ABCA4: variants seen among roughly 807,000 people sequenced by gnomAD.
ABCA4 encodes retinal-specific phospholipid-transporting ATPase ABCA4.
Under a neutral mutation model 263.7 loss-of-function variants are expected in ABCA4, and 196 were observed. The observed-to-expected ratio is 0.74, with a 90% confidence interval of 0.66 to 0.84. The LOEUF is 0.84. Among genes scored for constraint, ABCA4 ranks in the 40% least tolerant of loss-of-function variants. ABCA4 has a pLI of 0.00. For missense variants in ABCA4, 2,792 were observed against 2,855.1 expected (o/e 0.98, Z 0.50); for synonymous variants, 1,133 against 1,094.2 (o/e 1.04, Z -0.70).
At position 93,993,327 on chromosome 1, in the gene ABCA4, G is replaced by A. The variant is rs75999881; in HGVS notation, c.6817-85C>T. 7,342 of 1,584,442 alleles carry A rather than the reference G, an allele frequency of 4.6e-3. 303 individuals are homozygous for A. The African/African-American group carries it at 0.086, about 18-fold the overall frequency. On this transcript the variant is annotated intron_variant, in intron 49 of 49. Coordinates refer to ENST00000370225, the MANE Select transcript of ABCA4 (RefSeq NM_000350.3). ...TTTAGATTTCAAAAGCTAAACAGTT[G>A]TCAATCAATTTCTGAAGGGCACTCA... is the stretch of plus-strand genomic sequence containing the variant.
intron 31 of ABCA4, 72 bp from the exon 32 acceptor site, chr1:94,023,490 AT>A: frequency 7.6e-7 from 1 of 1,319,322 alleles, no homozygotes; most frequent in Non-Finnish European, 1.1e-6. Context: ...TTTCCCAAAC[AT>A]TCATTTTGAA....
chr1:94,037,396 TG>T, intron 24 of ABCA4, 46 bp from the exon 25 acceptor site: 1 of 1,575,590 alleles, frequency 6.3e-7, no homozygotes. Context: ...TTCCAGAAAC[TG>T]GAAGACTGTG....
chr1:94,092,699 TA>T (rs4147882), intron 6 of ABCA4, among the ~76,000 whole-genome samples: 24,299 of 152,122 alleles, frequency 0.16, 2,223 homozygotes, highest in Middle Eastern at 0.27. Flanking sequence ...CAACAGAAAC[TA>T]GGTCTTTTTC....
chr1:94,002,805 C>A (rs74102062), intron 44 of ABCA4, among the ~76,000 whole-genome samples: 19,382 of 152,094 alleles, frequency 0.13, 2,059 homozygotes, highest in African/African-American at 0.29. Flanking sequence ...CCCTGCGTTA[C>A]TTTTCCCTGA....
At chr1:94,077,334 T>C (rs1320077560) in intron 11 of ABCA4, among the ~76,000 whole-genome samples, 1 of 152,082 alleles carries the variant, frequency 6.6e-6, no homozygotes, top group African/African-American at 2.4e-5. Flanking sequence ...GGCAGGAGTG[T>C]CCAGCAAGCA....
chr1:94,105,762 T>C (rs1396899293), intron 4 of ABCA4, among the ~76,000 whole-genome samples: 4 of 152,100 alleles, frequency 2.6e-5, no homozygotes, highest in Non-Finnish European at 5.9e-5. Context: ...GGGGGCTCCA[T>C]GCCTGGTCTT....
rs762247562 is a variant in ABCA4, at chr1:94,055,265, G to A, written c.2433C>T (p.Arg811=). The A allele has an allele frequency of 3.7e-6, 6 of 1,614,106 alleles. No individual in the cohort carries two copies. The highest frequency in any genetic ancestry group is 1.7e-4 in the Middle Eastern group (1 of 6,060). Residue 811 remains arginine, a synonymous_variant, in exon 16 of 50, where the codon CGC becomes CGT. Transcript: ENST00000370225. ...GCAGCCCCAGGCCTTGCTCTTCAAA[G>A]CGAACCAGGTACTCAGTGCCAAATC... ...AFGFGTEYLV[R]FEEQGLGLQW...
chr1:94,037,653 G>A (rs1422437271), intron 24 of ABCA4, among the ~76,000 whole-genome samples: 2 of 152,190 alleles, frequency 1.3e-5, no homozygotes, highest in Non-Finnish European at 2.9e-5. Context: ...TTCCTCCTCT[G>A]TTCAACGAAA....
intron 30 of ABCA4, among the ~76,000 whole-genome samples, chr1:94,028,573 A>G (rs1014368321): frequency 6.6e-6 from 1 of 152,232 alleles, no homozygotes; most frequent in East Asian, 1.9e-4. Flanking sequence ...GGTGAAAACT[A>G]AAAAACCTAA....
intron 4 of ABCA4, among the ~76,000 whole-genome samples, chr1:94,106,529 A>T (rs1213055879): frequency 2.0e-5 from 3 of 152,088 alleles, no homozygotes; most frequent in Admixed American, 6.5e-5. Context: ...GGGAAGGGGG[A>T]TTTCTTACTA....
Position 94,037,293 on chromosome 1 carries a change from A to G in ABCA4, c.3665T>C (p.Val1222Ala). 1.2e-6 allele frequency: 2 copies of G among 1,614,206 alleles called. No homozygotes were observed. The highest frequency in any genetic ancestry group is 4.5e-5 in the East Asian group (2 of 44,882). The change falls in exon 25 of 50, where the codon GTG becomes GCG. Residue 1222 changes from valine to alanine, a missense_variant. Transcript: ENST00000370225. ...GATAAGTTCTTGACCAATGCACTCC[A>G]CCAGCTTTGCCTCTGGAACATGGTG... ...VLHHVPEAKL[V>A]ECIGQELIFL...
intron 36 of ABCA4, among the ~76,000 whole-genome samples, chr1:94,016,965 G>A (rs1399376923): frequency 3.3e-5 from 5 of 152,234 alleles, no homozygotes; most frequent in Non-Finnish European, 7.4e-5. Flanking sequence ...CCAGGGGCAT[G>A]AGGACCCAAG....
chr1:94,068,611 T>G (rs1386904881), intron 11 of ABCA4, among the ~76,000 whole-genome samples: 1 of 152,230 alleles, frequency 6.6e-6, no homozygotes, highest in African/African-American at 2.4e-5. Context: ...CTGATTAGCT[T>G]GCAAGTTAGA....
At chr1:94,001,605 G>A (rs1220458687) in intron 45 of ABCA4, 1 of 656,352 alleles carries the variant, frequency 1.5e-6, no homozygotes, top group East Asian at 3.1e-5. Context: ...TGAGCCGATG[G>A]CCCCACAGGA....
At chr1:94,112,277 TG>T (rs1417931778) in intron 2 of ABCA4, among the ~76,000 whole-genome samples, 1 of 152,328 alleles carries the variant, frequency 6.6e-6, no homozygotes, top group East Asian at 1.9e-4. Flanking sequence ...TCAGTACGAT[TG>T]TATAGCATCT....
chr1:94,044,361 A>G (rs537200743), intron 20 of ABCA4, among the ~76,000 whole-genome samples: 1 of 152,334 alleles, frequency 6.6e-6, no homozygotes, highest in African/African-American at 2.4e-5. Flanking sequence ...CTGCTCTGTC[A>G]GAGCGAAGGC....
intron 28 of ABCA4, 53 bp downstream of exon 28, chr1:94,030,943 G>A (rs1258889602): frequency 1.9e-6 from 3 of 1,612,362 alleles, no homozygotes; most frequent in Non-Finnish European, 1.7e-6. Flanking sequence ...AGCAGCATGT[G>A]ACCCAGGTGC....
chr1:94,005,064 A>G (rs1482377386), intron 44 of ABCA4, among the ~76,000 whole-genome samples: 1 of 152,236 alleles, frequency 6.6e-6, no homozygotes, highest in Non-Finnish European at 1.5e-5. Flanking sequence ...CCAATCTACA[A>G]TGACTAAACA....
At chr1:93,993,369 T>C in intron 49 of ABCA4, 127 bp from the exon 50 acceptor site, 1 of 1,193,888 alleles carries the variant, frequency 8.4e-7, no homozygotes, top group Non-Finnish European at 1.2e-6. Flanking sequence ...GGCACTGTGA[T>C]TCTGTCAGAT....
Sources: gnomAD v4.1 joint callset for allele counts (sites outside exome capture counted in the v4.1 genomes callset) on GRCh38, gnomAD v4.1.1 for gene constraint, MANE v1.5 for transcripts, NCBI Gene and HGNC (gene_info 2026-07-23, HGNC 2026-07-21) for gene names.